SEC23IP: variants seen among roughly 807,000 people sequenced by gnomAD.
SEC23IP encodes the protein SEC23 interacting protein.
A neutral mutation model predicts 113.4 loss-of-function variants in SEC23IP; 70 were observed. The ratio of observed to expected loss-of-function variants is 0.62; its 90% CI spans 0.51 to 0.75. The LOEUF is 0.75. Among genes scored for constraint, SEC23IP ranks in the 30% least tolerant of loss-of-function variants. SEC23IP has a pLI of 0.00. For missense variants in SEC23IP, 1,160 were observed against 1,204.9 expected (o/e 0.96, Z 0.55); for synonymous variants, 398 against 421.0 (o/e 0.95, Z 0.67).
chr10:119,893,962 G>A (rs1302834026), intron 1 of SEC23IP, among the ~76,000 whole-genome samples: 1 of 152,050 alleles, frequency 6.6e-6, no homozygotes, highest in Non-Finnish European at 1.5e-5. Flanking sequence ...ATGTAGCATT[G>A]CCCAGAGCAT....
Position 119,915,895 on chromosome 10 carries a change from T to C in SEC23IP, c.1544+6T>C, listed in dbSNP as rs1354750651. The C allele has an allele frequency of 6.8e-7, 1 of 1,468,564 alleles. No individual in the cohort carries two copies. The highest frequency in any genetic ancestry group is 9.1e-7 in the Non-Finnish European group (1 of 1,102,858). The allele number at this position is 1,468,564 out of a possible 1,614,324, so 91.0% of individuals were successfully genotyped here. A position where few individuals can be genotyped will look rare whatever the true frequency, so the allele number is the denominator to read the frequency against. ...GACGCCACAGGTGTGGACAGGTTTG[T>C]GGATTTTGATAACTTGTTTTTCAGA... On this transcript the variant is annotated splice_donor_region_variant and intron_variant, in intron 8 of 18. Transcript: ENST00000369075.
chr10:119,916,428 T>A (rs762643351), intron 8 of SEC23IP, among the ~76,000 whole-genome samples: 4 of 152,226 alleles, frequency 2.6e-5, no homozygotes, highest in Non-Finnish European at 5.9e-5. Flanking sequence ...CAATTTTGAA[T>A]GCTCCCAATT....
intron 1 of SEC23IP, among the ~76,000 whole-genome samples, chr10:119,895,312 G>A (rs577973454): frequency 2.3e-4 from 35 of 152,278 alleles, no homozygotes; most frequent in African/African-American, 8.2e-4. Context: ...TGAGGAGGAG[G>A]TTGCAGTGAG....
At position 119,914,717 on chromosome 10, in the gene SEC23IP, T is replaced by A. The variant is rs756524342; in HGVS notation, c.1313-13T>A. The A allele has an allele frequency of 1.3e-6, 2 of 1,564,660 alleles. No individual in the cohort carries two copies. The highest frequency in any genetic ancestry group is 1.8e-5 in the Admixed American group (1 of 56,566). On this transcript the variant is annotated splice_polypyrimidine_tract_variant and intron_variant, in intron 6 of 18. Transcript: ENST00000369075. ...CCCATCTTTTATGTAGGTTTAAAAATTTTTTTTGATAGGGGAGATGCCTCA... is the reference window on the plus strand; with the variant it reads ...CCCATCTTTTATGTAGGTTTAAAAAATTTTTTTGATAGGGGAGATGCCTCA...
intron 4 of SEC23IP, among the ~76,000 whole-genome samples, chr10:119,905,798 A>G (rs528631406): frequency 5.9e-5 from 9 of 152,216 alleles, no homozygotes; most frequent in Admixed American, 1.3e-4. Context: ...TAAAATTAAC[A>G]TACGTAAATT....
chr10:119,915,557 A>G (rs985339860), intron 7 of SEC23IP, among the ~76,000 whole-genome samples, 191 bp from the exon 8 acceptor site: 10 of 152,196 alleles, frequency 6.6e-5, no homozygotes, highest in East Asian at 5.8e-4. Flanking sequence ...TGGAAAGTTT[A>G]AAAGAGGTTC....
At position 119,912,107 on chromosome 10, in the gene SEC23IP, AC is replaced by A; in HGVS notation, c.1256del (p.Thr419LysfsTer6). On this transcript the variant is annotated frameshift_variant, in exon 6 of 19. Transcript: ENST00000369075. LOFTEE classifies it high-confidence loss of function. ...ATGGGGCACCACGCAAGATGGACAG[AC>A]AAGGCCCAGGGTTGTAAAGCGTGGA... ...DEWGTTQDGQ[T>X]RPRVVKRGID... 1 of 1,614,170 alleles carries A rather than the reference AC, an allele frequency of 6.2e-7. No individual in the cohort carries two copies. Among genetic ancestry groups the A allele is most frequent in the African/African-American group, 1.3e-5 (1 of 75,052 alleles).
intron 8 of SEC23IP, among the ~76,000 whole-genome samples, 165 bp from the exon 9 acceptor site, chr10:119,917,671 A>G (rs1855097641): frequency 6.6e-6 from 1 of 152,106 alleles, no homozygotes. Context: ...GAGCCACCGC[A>G]TCTGGCCTAT....
intron 15 of SEC23IP, among the ~76,000 whole-genome samples, chr10:119,930,784 C>T (rs12776453): frequency 0.038 from 5,811 of 152,150 alleles, 155 homozygotes; most frequent in South Asian, 0.063. Context: ...TTGATGTTGT[C>T]GAAGTGAGCT....
chr10:119,911,987 C>T lies in SEC23IP; in HGVS notation c.1192-57C>T, dbSNP rs1177555991. On this transcript the variant is annotated intron_variant, in intron 5 of 18. Coordinates refer to ENST00000369075, the MANE Select transcript of SEC23IP (RefSeq NM_007190.4). ...CTTATTATGTGTTAAACTACTTAGC[C>T]TGTAGTGGAAAAGAATTTGTTAATG... 3.7e-6 allele frequency: 6 copies of T among 1,600,302 alleles called. No homozygotes were observed. The East Asian group carries it at 1.1e-4, about 30-fold the overall frequency.
chr10:119,922,161 A>T (rs1855269981), intron 12 of SEC23IP, among the ~76,000 whole-genome samples: 1 of 152,074 alleles, frequency 6.6e-6, no homozygotes, highest in Admixed American at 6.6e-5. Context: ...GAGAGGTGGC[A>T]GTTCTGGCTT....
chr10:119,901,921 AG>A (rs1290340140), intron 2 of SEC23IP, among the ~76,000 whole-genome samples: 9 of 152,072 alleles, frequency 5.9e-5, no homozygotes, highest in African/African-American at 1.9e-4. Context: ...TCCTGACCTT[AG>A]GTGATCCACC....
Position 119,943,172 on chromosome 10 carries a change from C to CT in SEC23IP, c.*2608dup, listed in dbSNP as rs1007049301. 1 of 152,180 alleles carries CT rather than the reference C, an allele frequency of 6.6e-6. No homozygotes were observed. The highest frequency in any genetic ancestry group is 2.4e-5 in the African/African-American group (1 of 41,440). 9.4% of individuals were successfully genotyped at this position (152,180 alleles called of 1,614,324 possible). A position where few individuals can be genotyped will look rare whatever the true frequency, so the allele number is the denominator to read the frequency against. On this transcript the variant is annotated 3_prime_UTR_variant, in exon 19 of 19. Transcript: ENST00000369075. Reference sequence around the variant, plus strand: ...CTGGTGGAAACTTGAACTGCAGACACTGAGTGTTTTGGTTTTCCTCCAAGT... The same window carrying CT: ...CTGGTGGAAACTTGAACTGCAGACACTTGAGTGTTTTGGTTTTCCTCCAAGT...
intron 4 of SEC23IP, among the ~76,000 whole-genome samples, chr10:119,906,466 T>C (rs188343763): frequency 2.2e-4 from 33 of 150,002 alleles, no homozygotes; most frequent in African/African-American, 7.3e-4. Context: ...TTGTGGAAGA[T>C]CAAAATGTCA....
At chr10:119,897,436 C>T (rs1031177737) in intron 1 of SEC23IP, among the ~76,000 whole-genome samples, 1 of 152,114 alleles carries the variant, frequency 6.6e-6, no homozygotes, top group South Asian at 2.1e-4. Context: ...TAGAAAGTGA[C>T]CTTCTCAGCA....
chr10:119,902,767 C>G lies in SEC23IP; in HGVS notation c.697-32C>G, dbSNP rs773399169. 5.7e-6 allele frequency: 9 copies of G among 1,577,574 alleles called. No homozygotes were observed. The African/African-American group carries it at 1.1e-4, about 19-fold the overall frequency. On this transcript the variant is annotated intron_variant, in intron 2 of 18. Transcript: ENST00000369075. Reference sequence around the variant, plus strand: ...CATATTCAGAATTCTTTTGGACAAGCATGACAGTCTTAACTTTGCCGTCCC... The same window carrying G: ...CATATTCAGAATTCTTTTGGACAAGGATGACAGTCTTAACTTTGCCGTCCC...
intron 13 of SEC23IP, among the ~76,000 whole-genome samples, chr10:119,927,491 G>C (rs1199635907): frequency 6.6e-6 from 1 of 152,098 alleles, no homozygotes; most frequent in African/African-American, 2.4e-5. Context: ...GGCAGTTATA[G>C]GTTTATAGAT....
chr10:119,898,608 G>T lies in SEC23IP; in HGVS notation c.345G>T (p.Lys115Asn). The change falls in exon 2 of 19, where the codon AAG becomes AAT. Residue 115 changes from lysine to asparagine, a missense_variant. Physicochemically the swap from Lys to Asn is moderately conservative, Grantham distance 94. Transcript: ENST00000369075. Reference sequence around the variant, plus strand: ...CAGTTGGACAATCAGGATTCCCCAAGCCCCTGACTGCTCTCCCTTTTACAA... The same window carrying T: ...CAGTTGGACAATCAGGATTCCCCAATCCCCTGACTGCTCTCCCTTTTACAA... ...ATSVGQSGFP[K>N]PLTALPFTTG... 6.2e-7 allele frequency: 1 copy of T among 1,614,220 alleles called. No homozygotes were observed. Among genetic ancestry groups the T allele is most frequent in the Non-Finnish European group, 8.5e-7 (1 of 1,180,044 alleles).
Position 119,922,608 on chromosome 10 carries a change from TGTAA to T in SEC23IP, c.2121+1625_2121+1628del, listed in dbSNP as rs1362648068. ...GGCTGCAATCTTACATAGTAGTAAT[TGTAA>T]TTGTACAGTGACTGAAAGAGAGATG... is the stretch of plus-strand genomic sequence containing the variant. On this transcript the variant is annotated intron_variant, in intron 12 of 18. Coordinates refer to ENST00000369075, the MANE Select transcript of SEC23IP (RefSeq NM_007190.4). Among the ~76,000 whole-genome samples the T allele has an allele frequency of 1.5e-4, 23 of 152,258 alleles. No homozygotes were observed. In the East Asian group the frequency reaches 4.4e-3, roughly 29 times the overall value.
Sources: allele counts gnomAD v4.1 joint callset (sites outside exome capture counted in the v4.1 genomes callset), GRCh38; gene constraint gnomAD v4.1.1; transcripts MANE v1.5; gene names NCBI Gene and HGNC (gene_info 2026-07-23, HGNC 2026-07-21).